The following NELL2 variants were observed in gnomAD, a reference collection of about 807,000 sequenced individuals.
NELL2 encodes the protein neural EGFL like 2, also known as protein kinase C-binding protein NELL2.
A neutral mutation model predicts 109.6 loss-of-function variants in NELL2; 41 were observed. That is an observed-to-expected ratio of 0.37 (90% CI 0.29 to 0.49). The LOEUF (loss-of-function observed/expected upper bound fraction) is 0.49, where lower values mean the gene tolerates loss of function less well. Among genes scored for constraint, NELL2 ranks in the 20% least tolerant of loss-of-function variants. The probability of loss-of-function intolerance (pLI) is 0.98; values close to 1 mark genes in which losing one functional copy is unlikely to be tolerated. For missense variants in NELL2, 900 were observed against 1,008.3 expected (o/e 0.89, Z 1.45); for synonymous variants, 355 against 344.7 (o/e 1.03, Z -0.33).
chr12:44,853,324 A>C (rs11182713), intron 2 of NELL2, among the ~76,000 whole-genome samples: 3,146 of 152,280 alleles, frequency 0.021, 115 homozygotes, highest in East Asian at 0.18. Context: ...TTTAAGTTTA[A>C]GGAAATTGGT....
chr12:44,810,734 T>C (rs2136673411), intron 3 of NELL2, among the ~76,000 whole-genome samples: 1 of 152,142 alleles, frequency 6.6e-6, no homozygotes, highest in East Asian at 1.9e-4. Context: ...TTTTTTGTTT[T>C]TGAATGCCTT....
rs187157286 is a variant in NELL2, at chr12:44,905,688, C to T, written c.38+8111G>A. On this transcript the variant is annotated intron_variant, in intron 1 of 20. Coordinates refer to the NELL2 transcript ENST00000333837. ...GAATTATTTTATATCCTCTCTGGCC[C>T]GTATCAAGATCAGATGTTCATACAA... Among the ~76,000 whole-genome samples, 365 of 152,138 alleles carry T rather than the reference C, an allele frequency of 2.4e-3. 1 individual carries two copies. The highest frequency in any genetic ancestry group is 7.9e-3 in the African/African-American group (329 of 41,514).
Position 44,515,463 on chromosome 12 carries a change from A to C in NELL2, c.2400+4542T>G, listed in dbSNP as rs376988894. Among the ~76,000 whole-genome samples, 8 of 152,030 alleles carry C rather than the reference A, an allele frequency of 5.3e-5. No homozygotes were observed. In the South Asian group the frequency reaches 1.5e-3, roughly 28 times the overall value. ...ATGAAATTTTATAACAGGCAAAATG[A>C]ATTTATTACAAAGAAATAAAATTAA... On this transcript the variant is annotated intron_variant, in intron 19 of 19. Transcript: ENST00000429094.
chr12:44,563,053 A>G (rs1308262152), intron 15 of NELL2, among the ~76,000 whole-genome samples: 1 of 152,208 alleles, frequency 6.6e-6, no homozygotes, highest in Non-Finnish European at 1.5e-5. Flanking sequence ...ATTCTCAGCA[A>G]ACTAACACAG....
At chr12:44,865,670 G>A (rs1337688649) in intron 2 of NELL2, among the ~76,000 whole-genome samples, 3 of 93,838 alleles carry the variant, frequency 3.2e-5, no homozygotes, top group Admixed American at 1.1e-4. Context: ...TGGTGGGGTC[G>A]GGGGAGGGGG....
At position 44,706,523 on chromosome 12, in the gene NELL2, A is replaced by T. The variant is rs556817874; in HGVS notation, c.1190-2669T>A. 7.8e-4 allele frequency among the ~76,000 whole-genome samples: 119 copies of T among 152,292 alleles called. 1 individual carries two copies. Among genetic ancestry groups the T allele is most frequent in the Non-Finnish European group, 1.1e-3 (72 of 68,014 alleles). ...AGTTTACATCTGATCTCTGCCACTA[A>T]CTTGCTGTGTAAATTACTAACTGTA... On this transcript the variant is annotated intron_variant, in intron 11 of 19. Transcript: ENST00000429094.
At chr12:44,542,091 T>A (rs1288020614) in intron 15 of NELL2, among the ~76,000 whole-genome samples, 1 of 152,162 alleles carries the variant, frequency 6.6e-6, no homozygotes, top group Non-Finnish European at 1.5e-5. Context: ...TGTAGTTCCT[T>A]AGAAGTTTTA....
intron 9 of NELL2, among the ~76,000 whole-genome samples, chr12:44,746,314 C>T (rs972347685): frequency 6.6e-6 from 1 of 152,158 alleles, no homozygotes; most frequent in African/African-American, 2.4e-5. Flanking sequence ...GGATTAAAGA[C>T]TTACATGTTA....
chr12:44,834,392 T>C (rs1252711409), intron 2 of NELL2, among the ~76,000 whole-genome samples: 2 of 151,424 alleles, frequency 1.3e-5, no homozygotes, highest in African/African-American at 4.8e-5. Flanking sequence ...TATATATACA[T>C]TTCTAGTTAT....
At chr12:44,668,096 T>C (rs1037817346) in intron 12 of NELL2, among the ~76,000 whole-genome samples, 65 of 152,252 alleles carry the variant, frequency 4.3e-4, no homozygotes, top group African/African-American at 1.2e-3. Context: ...TAGAGCACCA[T>C]GGCATCCCTT....
chr12:44,813,977 A>G (rs899159663), intron 3 of NELL2, among the ~76,000 whole-genome samples: 10 of 152,220 alleles, frequency 6.6e-5, no homozygotes, highest in African/African-American at 2.4e-4. Flanking sequence ...ACATTAAACT[A>G]TTTTAAGAAG....
At chr12:44,600,266 C>T (rs1304650244) in intron 15 of NELL2, among the ~76,000 whole-genome samples, 1 of 151,424 alleles carries the variant, frequency 6.6e-6, no homozygotes, top group East Asian at 2.0e-4. Flanking sequence ...GCCTCGTCCT[C>T]CGAAAGTGCT....
chr12:44,875,826 C>G lies in NELL2; in HGVS notation c.44G>C (p.Gly15Ala), dbSNP rs1232282613. 3 of 1,613,794 alleles carry G rather than the reference C, an allele frequency of 1.9e-6. No homozygotes were observed. In the East Asian group the frequency reaches 6.7e-5, roughly 36 times the overall value. ...CTGCGGCCACTCACCTGCTCCGAGA[C>G]CGAAGATCAAACAGAATGTTCTCAG... is the stretch of plus-strand genomic sequence containing the variant. ...VLLRTFCLIFGLGAVWGLGVD... is the reference protein window; with the variant it reads ...VLLRTFCLIFALGAVWGLGVD... Residue 15 changes from glycine (G) to alanine (A), a missense_variant, in exon 1 of 20, where the codon GGT becomes GCT. Around this residue, in one of 4 missense-constraint regions of NELL2, gnomAD observed 200 missense variants for 191.8 expected, o/e 1.04. Transcript: ENST00000429094.
At chr12:44,655,673 A>G (rs1297397360) in intron 13 of NELL2, among the ~76,000 whole-genome samples, 1 of 152,122 alleles carries the variant, frequency 6.6e-6, no homozygotes, top group Non-Finnish European at 1.5e-5. Context: ...ATGCTTTTCT[A>G]GAGATGCTTC....
At chr12:44,714,401 A>G (rs10506256) in intron 10 of NELL2, among the ~76,000 whole-genome samples, 54,596 of 151,862 alleles carry the variant, frequency 0.36, 11,996 homozygotes, top group Non-Finnish European at 0.49. Flanking sequence ...TTTGGAAAAC[A>G]TACGACAACT....
intron 2 of NELL2, among the ~76,000 whole-genome samples, chr12:44,827,170 A>C (rs1249522956): frequency 6.6e-6 from 1 of 152,146 alleles, no homozygotes. Context: ...AATTATGTGG[A>C]TCCAAGGTAG....
At chr12:44,778,423 C>G (rs137949088) in intron 5 of NELL2, among the ~76,000 whole-genome samples, 1 of 152,108 alleles carries the variant, frequency 6.6e-6, no homozygotes, top group Non-Finnish European at 1.5e-5. Context: ...AAAAACAAGG[C>G]TATCGTGTAC....
At chr12:44,845,359 T>C (rs1279427023) in intron 2 of NELL2, among the ~76,000 whole-genome samples, 1 of 152,286 alleles carries the variant, frequency 6.6e-6, no homozygotes, top group East Asian at 1.9e-4. Context: ...GTGAACAGCA[T>C]TTAGAACTGT....
intron 15 of NELL2, among the ~76,000 whole-genome samples, chr12:44,590,116 C>A (rs1284285802): frequency 6.6e-6 from 1 of 152,166 alleles, no homozygotes; most frequent in Admixed American, 6.5e-5. Context: ...TTCTCAGAAT[C>A]AGGTGAGAGT....
Sources: gnomAD v4.1 joint callset for allele counts (sites outside exome capture counted in the v4.1 genomes callset) on GRCh38, gnomAD v4.1.1 for gene constraint, gnomAD v4.1.1 regional missense constraint, MANE v1.5 for transcripts, NCBI Gene and HGNC (gene_info 2026-07-23, HGNC 2026-07-21) for gene names.